TRPS1: variants seen among roughly 807,000 people sequenced by gnomAD.
TRPS1 encodes transcriptional repressor GATA binding 1, also known as zinc finger transcription factor Trps1.
A neutral mutation model predicts 101.2 loss-of-function variants in TRPS1; 6 were observed. That is an observed-to-expected ratio of 0.06 (90% CI 0.03 to 0.12). The LOEUF is 0.12. Among genes scored for constraint, TRPS1 ranks in the 10% least tolerant of loss-of-function variants. The pLI is 1.00. For missense variants in TRPS1, 1,363 were observed against 1,567.0 expected, an observed-to-expected ratio of 0.87 and a Z score of 2.20; for synonymous variants, 578 against 589.8, an observed-to-expected ratio of 0.98 and a Z score of 0.29.
intron 3 of TRPS1, among the ~76,000 whole-genome samples, chr8:115,609,254 T>C (rs1168977489): frequency 6.6e-6 from 1 of 152,164 alleles, no homozygotes; most frequent in African/African-American, 2.4e-5. Context: ...ATCATTCAAG[T>C]AAATTTTTCC....
intron 5 of TRPS1, among the ~76,000 whole-genome samples, chr8:115,466,986 A>G (rs1814338036): frequency 6.6e-6 from 1 of 152,160 alleles, no homozygotes; most frequent in African/African-American, 2.4e-5. Flanking sequence ...AGAATGGAAT[A>G]AAAATAATTT....
At chr8:115,510,919 A>T (rs2130185159) in intron 5 of TRPS1, 1 of 152,092 alleles carries the variant, frequency 6.6e-6, no homozygotes, top group South Asian at 2.1e-4. Flanking sequence ...AATTTTCAGG[A>T]TGTAGTAAAG....
chr8:115,457,129 G>A (rs972720881), intron 5 of TRPS1, among the ~76,000 whole-genome samples: 1 of 152,128 alleles, frequency 6.6e-6, no homozygotes, highest in African/African-American at 2.4e-5. Context: ...GAGCCACAAC[G>A]AAAGAAAGTG....
chr8:115,649,453 C>T (rs942647468), intron 1 of TRPS1, among the ~76,000 whole-genome samples: 2 of 152,154 alleles, frequency 1.3e-5, no homozygotes, highest in African/African-American at 4.8e-5. Flanking sequence ...ATTATACTTT[C>T]CTGAGACCCA....
intron 5 of TRPS1, among the ~76,000 whole-genome samples, chr8:115,479,046 C>A (rs1233600753): frequency 6.6e-6 from 1 of 151,160 alleles, no homozygotes; most frequent in African/African-American, 2.4e-5. Context: ...ATACTATGCA[C>A]AAGCCACGAG....
intron 5 of TRPS1, among the ~76,000 whole-genome samples, chr8:115,495,417 T>C (rs566312812): frequency 5.3e-5 from 8 of 151,400 alleles, no homozygotes; most frequent in Non-Finnish European, 1.2e-4. Flanking sequence ...TGATAGATCT[T>C]ATGTCAGAAA....
chr8:115,620,649 G>T (rs534527347), intron 2 of TRPS1, among the ~76,000 whole-genome samples: 1 of 152,322 alleles, frequency 6.6e-6, no homozygotes, highest in South Asian at 2.1e-4. Context: ...AAACAGCTAT[G>T]TTATAAACAG....
intron 6 of TRPS1, among the ~76,000 whole-genome samples, chr8:115,417,606 T>C (rs1586253281): frequency 6.6e-6 from 1 of 151,948 alleles, no homozygotes; most frequent in African/African-American, 2.4e-5. Flanking sequence ...AGATGGAGGA[T>C]TTGTGAGTTT....
chr8:115,663,721 G>GAAAAAAAAAAAA (rs1201864123), intron 1 of TRPS1, among the ~76,000 whole-genome samples: 3 of 76,782 alleles, frequency 3.9e-5, no homozygotes, highest in African/African-American at 1.1e-4. Context: ...CTTGGAAAAG[G>GAAAAAAAAAAAA]AAAAAAAAAA....
chr8:115,483,946 C>T (rs771292619), intron 5 of TRPS1, among the ~76,000 whole-genome samples: 1 of 152,060 alleles, frequency 6.6e-6, no homozygotes, highest in Admixed American at 6.6e-5. Flanking sequence ...AGGATATTTC[C>T]CAGCTCCAAA....
Position 115,604,997 on chromosome 8 carries a change from A to C in TRPS1, c.972T>G (p.Thr324=), listed in dbSNP as rs773420967. 1 of 1,613,194 alleles carries C rather than the reference A, an allele frequency of 6.2e-7. No individual in the cohort carries two copies. ...CAATGCCAATGAATGTTCCACCTGA[A>C]GTCACCTGGAGAACAGAAGAAATGG... ...LLNGTYDVQV[T]SGGTFIGIGR... is the part of the protein sequence containing the mutation. Residue 324 remains threonine, a synonymous_variant, in exon 4 of 7, where the codon ACT becomes ACG. Coordinates refer to ENST00000395715, the MANE Select transcript of TRPS1 (RefSeq NM_014112.5). The surrounding 1 kb of genome is among the most constrained non-coding windows in gnomAD (Gnocchi z 4.1).
Position 115,485,722 on chromosome 8 carries a change from G to A in TRPS1, c.2701-67270C>T, listed in dbSNP as rs528231420. On this transcript the variant is annotated intron_variant, in intron 5 of 6. Coordinates refer to ENST00000395715, the MANE Select transcript of TRPS1 (RefSeq NM_014112.5). The stretch of plus-strand genomic sequence containing the variant: ...GCGAAAAGGCACAGATATAGGAAAC[G>A]GTTCTTTGAAAACCCAAGTTACAAT... 7.2e-5 allele frequency among the ~76,000 whole-genome samples: 11 copies of A among 152,290 alleles called. No homozygotes were observed. The South Asian group carries it at 8.3e-4, about 11-fold the overall frequency.
chr8:115,430,071 C>G (rs900581086), intron 5 of TRPS1, among the ~76,000 whole-genome samples: 2 of 152,086 alleles, frequency 1.3e-5, no homozygotes, highest in Non-Finnish European at 2.9e-5. Flanking sequence ...TGTGACTTAC[C>G]CTTTGCTATT....
intron 5 of TRPS1, among the ~76,000 whole-genome samples, chr8:115,451,590 G>T (rs1813874022): frequency 6.6e-6 from 1 of 152,080 alleles, no homozygotes; most frequent in African/African-American, 2.4e-5. Context: ...CCTAACCACA[G>T]CCTGTGGTCC....
At chr8:115,549,570 T>G (rs1224095862) in intron 5 of TRPS1, among the ~76,000 whole-genome samples, 1 of 151,966 alleles carries the variant, frequency 6.6e-6, no homozygotes, top group African/African-American at 2.4e-5. Flanking sequence ...CTGAAAAGGC[T>G]ATCTATATTC....
At chr8:115,635,462 A>T (rs147056318) in intron 1 of TRPS1, among the ~76,000 whole-genome samples, 1 of 152,322 alleles carries the variant, frequency 6.6e-6, no homozygotes, top group Non-Finnish European at 1.5e-5. Flanking sequence ...TCTGAGGGCC[A>T]ACTATGTGTC....
chr8:115,650,888 A>G (rs1811545202), intron 1 of TRPS1, among the ~76,000 whole-genome samples: 1 of 152,154 alleles, frequency 6.6e-6, no homozygotes, highest in Non-Finnish European at 1.5e-5. Context: ...CCTACTCATC[A>G]ATATTCATGT....
chr8:115,588,413 C>T (rs1395601737), intron 4 of TRPS1, among the ~76,000 whole-genome samples: 1 of 152,198 alleles, frequency 6.6e-6, no homozygotes, highest in Non-Finnish European at 1.5e-5. Context: ...GAGTGTCAAA[C>T]ACCATAATAG....
At chr8:115,648,657 G>GA (rs769324268) in intron 1 of TRPS1, among the ~76,000 whole-genome samples, 23 of 150,738 alleles carry the variant, frequency 1.5e-4, no homozygotes, top group Non-Finnish European at 3.1e-4. Context: ...AAAACAAAAG[G>GA]AAAAATTTTT....
Sources: gnomAD v4.1 joint callset for allele counts (sites outside exome capture counted in the v4.1 genomes callset) on GRCh38, gnomAD v4.1.1 for gene constraint, Gnocchi (gnomAD v3.1) non-coding constraint, MANE v1.5 for transcripts, NCBI Gene and HGNC (gene_info 2026-07-23, HGNC 2026-07-21) for gene names.